The following PLD5 variants were observed in gnomAD, a reference collection of about 807,000 sequenced individuals.
PLD5 encodes the protein phospholipase D family member 5, also known as inactive phospholipase D5.
Under a neutral mutation model 61.1 loss-of-function variants are expected in PLD5, and 36 were observed. The ratio of observed to expected loss-of-function variants is 0.59; its 90% confidence interval spans 0.45 to 0.78. The LOEUF (loss-of-function observed/expected upper bound fraction) is 0.78, where lower values mean the gene tolerates loss of function less well. Ranked by LOEUF, PLD5 falls within the 30% of genes least tolerant of loss-of-function variation. The probability of loss-of-function intolerance (pLI) is 0.00; values close to 1 mark genes in which losing one functional copy is unlikely to be tolerated. For missense variants in PLD5, 515 were observed against 644.4 expected (o/e 0.80, Z 2.17); for synonymous variants, 243 against 242.8 (o/e 1.00, Z -0.01).
At chr1:242,121,972 AG>A (rs1662409363) in intron 6 of PLD5, among the ~76,000 whole-genome samples, 1 of 151,862 alleles carries the variant, frequency 6.6e-6, no homozygotes, top group South Asian at 2.1e-4. Flanking sequence ...GGATAGCATT[AG>A]GAGATACACC....
chr1:242,452,191 T>C (rs191303732), intron 1 of PLD5, among the ~76,000 whole-genome samples: 1 of 152,246 alleles, frequency 6.6e-6, no homozygotes, highest in East Asian at 1.9e-4. Context: ...AAAATGTTCA[T>C]ACAGTGTACT....
At chr1:242,459,184 T>C (rs192908846) in intron 1 of PLD5, among the ~76,000 whole-genome samples, 41 of 152,346 alleles carry the variant, frequency 2.7e-4, no homozygotes, top group African/African-American at 9.9e-4. Context: ...GGAATACTTC[T>C]AATTTTTGTA....
At chr1:242,295,319 A>G (rs1157808247) in intron 2 of PLD5, among the ~76,000 whole-genome samples, 1 of 152,030 alleles carries the variant, frequency 6.6e-6, no homozygotes, top group East Asian at 1.9e-4. Flanking sequence ...TCCAGTGTCT[A>G]TTATTTCCAT....
At chr1:242,417,205 C>T (rs1449540479) in intron 1 of PLD5, among the ~76,000 whole-genome samples, 1 of 152,096 alleles carries the variant, frequency 6.6e-6, no homozygotes, top group African/African-American at 2.4e-5. Context: ...GACGGAAGAA[C>T]AAGCTATAAA....
At chr1:242,142,475 T>G (rs1664238685) in intron 5 of PLD5, among the ~76,000 whole-genome samples, 1 of 152,194 alleles carries the variant, frequency 6.6e-6, no homozygotes, top group Non-Finnish European at 1.5e-5. Context: ...AACGTACATA[T>G]TCTACAACTG....
chr1:242,445,202 T>C (rs1666472718), intron 1 of PLD5, among the ~76,000 whole-genome samples: 1 of 152,210 alleles, frequency 6.6e-6, no homozygotes, highest in Admixed American at 6.5e-5. Flanking sequence ...ACCAGAGAGC[T>C]ATCGAGCTCA....
chr1:242,339,621 T>C (rs1242637467), intron 2 of PLD5, among the ~76,000 whole-genome samples: 1 of 152,218 alleles, frequency 6.6e-6, no homozygotes, highest in Non-Finnish European at 1.5e-5. Flanking sequence ...AAGCTCAGAA[T>C]AAATAGCCTT....
chr1:242,160,193 T>A (rs1395468180), intron 5 of PLD5, among the ~76,000 whole-genome samples: 5 of 152,026 alleles, frequency 3.3e-5, no homozygotes, highest in African/African-American at 1.2e-4. Context: ...TTTTTGTCTA[T>A]TTTCTTTTTA....
intron 5 of PLD5, among the ~76,000 whole-genome samples, chr1:242,177,415 G>T (rs548642570): frequency 2.0e-5 from 3 of 152,250 alleles, no homozygotes; most frequent in South Asian, 4.1e-4. Flanking sequence ...GGGCCTGTTG[G>T]GTGGTAGGGG....
intron 1 of PLD5, among the ~76,000 whole-genome samples, chr1:242,392,994 AG>A (rs1396409277): frequency 2.0e-5 from 3 of 151,450 alleles, no homozygotes; most frequent in African/African-American, 7.3e-5. Context: ...ACCTGAAGTC[AG>A]GAGTTCGAGA....
chr1:242,357,779 G>T (rs1354710735), intron 1 of PLD5, among the ~76,000 whole-genome samples: 3 of 152,068 alleles, frequency 2.0e-5, no homozygotes, highest in Non-Finnish European at 4.4e-5. Context: ...GAGCCACTGT[G>T]CCTGGCCATT....
In PLD5 at chr1:242,162,055, C is replaced by CCAA. The variant is rs1169882389; in HGVS notation, c.736-37391_736-37390insTTG. On this transcript the variant is annotated intron_variant, in intron 5 of 9. Transcript: ENST00000536534. ...GGTAGGCAACAAAATAAATATTTGGCATACGTTTTTTTAAAGTATAAAATG... is the reference window on the plus strand; with the variant it reads ...GGTAGGCAACAAAATAAATATTTGGCCAAATACGTTTTTTTAAAGTATAAAATG... 3.0e-4 allele frequency among the ~76,000 whole-genome samples: 45 copies of CCAA among 152,228 alleles called. No individual in the cohort carries two copies. In the East Asian group the frequency reaches 8.5e-3, roughly 29 times the overall value.
intron 5 of PLD5, among the ~76,000 whole-genome samples, chr1:242,166,754 A>G (rs1666332458): frequency 6.6e-6 from 1 of 152,128 alleles, no homozygotes; most frequent in South Asian, 2.1e-4. Flanking sequence ...CCTACATTTT[A>G]CTTGAAGTTA....
intron 5 of PLD5, among the ~76,000 whole-genome samples, chr1:242,175,362 C>G (rs1390915856): frequency 6.6e-6 from 1 of 152,196 alleles, no homozygotes; most frequent in Non-Finnish European, 1.5e-5. Flanking sequence ...ACGATTATCT[C>G]AATAGATGCA....
intron 4 of PLD5, chr1:242,235,445 T>C (rs973714316): frequency 6.6e-6 from 1 of 152,172 alleles, no homozygotes; most frequent in African/African-American, 2.4e-5. Context: ...TCAGTGTATA[T>C]CCTAAAAAGG....
intron 1 of PLD5, among the ~76,000 whole-genome samples, chr1:242,479,827 A>G (rs963386819): frequency 1.3e-5 from 2 of 151,694 alleles, no homozygotes; most frequent in African/African-American, 2.4e-5. Context: ...GTGGATCACA[A>G]GGTCAGGAGA....
At chr1:242,445,461 C>A (rs1423093127) in intron 1 of PLD5, among the ~76,000 whole-genome samples, 1 of 152,174 alleles carries the variant, frequency 6.6e-6, no homozygotes, top group Admixed American at 6.5e-5. Context: ...CCTGCCTCAG[C>A]CTCCCGAGTA....
chr1:242,468,165 C>T (rs1667332757), intron 1 of PLD5, among the ~76,000 whole-genome samples: 1 of 152,104 alleles, frequency 6.6e-6, no homozygotes, highest in Admixed American at 6.5e-5. Context: ...CTCACATCCC[C>T]AAATGGTAGT....
intron 1 of PLD5, among the ~76,000 whole-genome samples, chr1:242,512,544 A>C (rs889462634): frequency 2.0e-5 from 3 of 152,196 alleles, no homozygotes; most frequent in Non-Finnish European, 1.5e-5. Context: ...TAGCAGATTC[A>C]GGCAAGGCAA....
Sources: allele counts gnomAD v4.1 joint callset (sites outside exome capture counted in the v4.1 genomes callset), GRCh38; gene constraint gnomAD v4.1.1; transcripts MANE v1.5; gene names NCBI Gene and HGNC (gene_info 2026-07-23, HGNC 2026-07-21).